Variants in CRIM1 observed in about 807,000 individuals in gnomAD.
CRIM1 encodes cysteine rich transmembrane BMP regulator 1, also known as cysteine-rich motor neuron 1 protein.
CRIM1 carries 32 observed loss-of-function variants against 116.4 expected under a neutral mutation model. The observed-to-expected ratio is 0.27, with a 90% CI of 0.21 to 0.37. CRIM1 has a LOEUF of 0.37. Ranked by LOEUF, CRIM1 falls within the 10% of genes least tolerant of loss-of-function variation. CRIM1 has a pLI of 1.00. For missense variants in CRIM1, 1,331 were observed against 1,354.8 expected, an observed-to-expected ratio of 0.98 and a Z score of 0.28; for synonymous variants, 590 against 509.2, an observed-to-expected ratio of 1.16 and a Z score of -2.13.
At chr2:36,488,226 A>G (rs1404677006) in intron 7 of CRIM1, among the ~76,000 whole-genome samples, 2 of 152,224 alleles carry the variant, frequency 1.3e-5, no homozygotes, top group African/African-American at 2.4e-5. Flanking sequence ...ACACAAGCAT[A>G]TAAACCATCT....
chr2:36,414,172 C>T (rs1046924682), intron 2 of CRIM1, among the ~76,000 whole-genome samples: 3 of 152,112 alleles, frequency 2.0e-5, no homozygotes, highest in African/African-American at 4.8e-5. Flanking sequence ...CTCATCTTAC[C>T]GGTGATTGTG....
At chr2:36,428,571 T>A (rs1176176523) in intron 2 of CRIM1, among the ~76,000 whole-genome samples, 1 of 152,242 alleles carries the variant, frequency 6.6e-6, no homozygotes, top group East Asian at 1.9e-4. Context: ...GCGTTTTCTG[T>A]ACCTCATTGC....
intron 1 of CRIM1, among the ~76,000 whole-genome samples, chr2:36,372,558 G>A (rs957320601): frequency 3.9e-5 from 6 of 152,212 alleles, no homozygotes; most frequent in African/African-American, 1.4e-4. Flanking sequence ...CCAAGATAAA[G>A]TATATAGAGT....
At chr2:36,430,815 A>G (rs1036653891) in intron 2 of CRIM1, among the ~76,000 whole-genome samples, 9 of 152,050 alleles carry the variant, frequency 5.9e-5, no homozygotes, top group African/African-American at 2.2e-4. Context: ...ACACTGGGAG[A>G]TCTTTGTTTG....
chr2:36,483,392 A>G (rs1270599153), intron 7 of CRIM1, among the ~76,000 whole-genome samples: 2 of 152,202 alleles, frequency 1.3e-5, no homozygotes, highest in African/African-American at 2.4e-5. Context: ...AACATTTCAT[A>G]CAATTGTTAT....
chr2:36,454,804 G>A (rs188815764), intron 4 of CRIM1, among the ~76,000 whole-genome samples: 33 of 152,264 alleles, frequency 2.2e-4, no homozygotes, highest in African/African-American at 7.5e-4. Flanking sequence ...AGAGGTCACA[G>A]ACCTTCTTGA....
At chr2:36,515,952 A>G (rs1287098228) in intron 11 of CRIM1, among the ~76,000 whole-genome samples, 2 of 152,194 alleles carry the variant, frequency 1.3e-5, no homozygotes, top group Admixed American at 1.3e-4. Context: ...CTTGTTCAGC[A>G]CAGTTTTCAT....
chr2:36,517,762 C>T (rs180674894), intron 12 of CRIM1, among the ~76,000 whole-genome samples: 1 of 152,158 alleles, frequency 6.6e-6, no homozygotes, highest in Admixed American at 6.5e-5. Context: ...GACTGTGAAA[C>T]AAAAAAGGAG....
rs985012946 is a variant in CRIM1, at chr2:36,491,462, A to C, written c.1373-7757A>C. Among the ~76,000 whole-genome samples, 56 of 152,180 alleles carry C rather than the reference A, an allele frequency of 3.7e-4. 1 individual carries two copies. The highest frequency in any genetic ancestry group is 8.8e-5 in the Non-Finnish European group (6 of 68,038). On this transcript the variant is annotated intron_variant, in intron 7 of 16. Coordinates refer to ENST00000280527, the MANE Select transcript of CRIM1 (RefSeq NM_016441.3). ...GCAAAAGACTGCCACAGTGGTGTGG[A>C]CCCTAAGGAACTTACTGTCTAATCT... is the stretch of plus-strand genomic sequence containing the variant.
intron 10 of CRIM1, 135 bp downstream of exon 10, chr2:36,512,529 C>A: frequency 2.3e-6 from 2 of 879,308 alleles, no homozygotes; most frequent in East Asian, 5.1e-5. Flanking sequence ...TCTGTGGGAC[C>A]GTCCCACAGG....
At chr2:36,457,700 G>A (rs145834608) in intron 4 of CRIM1, among the ~76,000 whole-genome samples, 78 of 152,064 alleles carry the variant, frequency 5.1e-4, no homozygotes, top group Middle Eastern at 6.8e-3. Context: ...CCATAAGAAG[G>A]GTTGGACCCT....
chr2:36,393,658 T>C (rs545246525), intron 1 of CRIM1, among the ~76,000 whole-genome samples: 1 of 152,236 alleles, frequency 6.6e-6, no homozygotes, highest in East Asian at 1.9e-4. Context: ...CTGGGGCAGG[T>C]AGAGAAGGCT....
chr2:36,363,743 C>A (rs960798784), intron 1 of CRIM1, among the ~76,000 whole-genome samples: 1 of 152,108 alleles, frequency 6.6e-6, no homozygotes, highest in East Asian at 1.9e-4. Context: ...GTGCACTTTG[C>A]TTCACATTAT....
intron 13 of CRIM1, among the ~76,000 whole-genome samples, chr2:36,534,383 G>C (rs1666359027): frequency 1.4e-5 from 2 of 138,234 alleles, no homozygotes; most frequent in Non-Finnish European, 3.2e-5. Context: ...GGAAGGAAGG[G>C]AGGGAGGGGG....
At chr2:36,445,667 T>G (rs912171403) in intron 4 of CRIM1, among the ~76,000 whole-genome samples, 2 of 152,182 alleles carry the variant, frequency 1.3e-5, no homozygotes, top group African/African-American at 4.8e-5. Flanking sequence ...AGCTGTGGCT[T>G]AGACCCATTC....
intron 1 of CRIM1, among the ~76,000 whole-genome samples, chr2:36,394,579 TTGTG>T (rs1223004763): frequency 2.0e-5 from 3 of 151,576 alleles, no homozygotes; most frequent in Admixed American, 1.3e-4. Context: ...TATGTTATAT[TTGTG>T]TGTGTGTGTA....
In CRIM1 at chr2:36,537,935, TATA is replaced by T. The variant is rs1666667884; in HGVS notation, c.2623+390_2623+392del. 2.0e-5 allele frequency among the ~76,000 whole-genome samples: 3 copies of T among 152,120 alleles called. No individual in the cohort carries two copies. In the South Asian group the frequency reaches 6.2e-4, roughly 32 times the overall value. On this transcript the variant is annotated intron_variant, in intron 14 of 16. Transcript: ENST00000280527. ...CTTAAAAGCCATTACACTGTGAAAA[TATA>T]TTAGAACCAAAGTGGAAGACCTGCA...
chr2:36,405,877 A>G lies in CRIM1; in HGVS notation c.505+9090A>G, dbSNP rs142090034. Among the ~76,000 whole-genome samples the G allele has an allele frequency of 2.8e-3, 422 of 152,344 alleles. 2 individuals carry two copies. The highest frequency in any genetic ancestry group is 9.4e-3 in the African/African-American group (390 of 41,572). On this transcript the variant is annotated intron_variant, in intron 2 of 16. Coordinates refer to ENST00000280527, the MANE Select transcript of CRIM1 (RefSeq NM_016441.3). ...TTAAAAATGAAATATTTCATATTATACAGGACCTCATGGTAAGGGACAAAA... is the reference window on the plus strand; with the variant it reads ...TTAAAAATGAAATATTTCATATTATGCAGGACCTCATGGTAAGGGACAAAA...
chr2:36,406,294 G>T (rs3770916), intron 2 of CRIM1, among the ~76,000 whole-genome samples: 1 of 152,078 alleles, frequency 6.6e-6, no homozygotes. Flanking sequence ...GGTGGGTTTT[G>T]TACATTTTAT....
Sources: allele counts gnomAD v4.1 joint callset (sites outside exome capture counted in the v4.1 genomes callset), GRCh38; gene constraint gnomAD v4.1.1; transcripts MANE v1.5; gene names NCBI Gene and HGNC (gene_info 2026-07-23, HGNC 2026-07-21).